Variants in ZNF257 observed in about 807,000 individuals in gnomAD.
ZNF257 encodes the protein zinc finger protein 257.
ZNF257 carries 12 observed loss-of-function variants against 11.9 expected under a neutral mutation model. That is an observed-to-expected ratio of 1.01 (90% CI 0.65 to 1.63). ZNF257 has a LOEUF of 1.63. Ranked by LOEUF, ZNF257 falls within the 40% of genes most tolerant of loss-of-function variation. ZNF257 has a pLI of 0.00. For missense variants in ZNF257, 580 were observed against 665.5 expected (o/e 0.87, Z 1.41); for synonymous variants, 183 against 222.7 (o/e 0.82, Z 1.59).
At chr19:22,056,477 A>ATTTT (rs1470428510) in intron 1 of ZNF257, among the ~76,000 whole-genome samples, 1 of 90,642 alleles carries the variant, frequency 1.1e-5, no homozygotes, top group African/African-American at 5.9e-5. Flanking sequence ...TGAATTTAGA[A>ATTTT]ATTTTTTTTT....
At chr19:22,055,934 A>G (rs1375610379) in intron 1 of ZNF257, among the ~76,000 whole-genome samples, 19 of 151,800 alleles carry the variant, frequency 1.3e-4, no homozygotes, top group Admixed American at 1.2e-3. Flanking sequence ...AGGCGCCTGT[A>G]GTCCCAGCTA....
At chr19:22,085,201 C>T (rs1306641310) in intron 3 of ZNF257, among the ~76,000 whole-genome samples, 1 of 151,784 alleles carries the variant, frequency 6.6e-6, no homozygotes, top group Admixed American at 6.6e-5. Flanking sequence ...CACAGGCATG[C>T]ACCACCACAC....
At position 22,088,152 on chromosome 19, in the gene ZNF257, C is replaced by T; in HGVS notation, c.402C>T (p.Asn134=). The change falls in exon 4 of 4, where the codon AAC becomes AAT. Residue 134 remains asparagine, a synonymous_variant. Coordinates refer to ENST00000594947, the MANE Select transcript of ZNF257 (RefSeq NM_033468.4). Reference sequence around the variant, plus strand: ...GCAAAGGAGGTTATAATGGACTTAACCAATGTCTGATAACTACCCAGAGCA... The same window carrying T: ...GCAAAGGAGGTTATAATGGACTTAATCAATGTCTGATAACTACCCAGAGCA... The part of the protein sequence containing the change: ...KVCKGGYNGL[N]QCLITTQSKM... 1 of 1,609,126 alleles carries T rather than the reference C, an allele frequency of 6.2e-7. No homozygotes were observed. Among genetic ancestry groups the T allele is most frequent in the Non-Finnish European group, 8.5e-7 (1 of 1,177,344 alleles).
At position 22,053,366 on chromosome 19, in the gene ZNF257, CAAAAAAAAAAA is replaced by C. The variant is rs61426953; in HGVS notation, c.3+749_3+759del. ...CTGAAGACAGAGCGAGACTCCGTCT[CAAAAAAAAAAA>C]AAAAAAAAAAAAAAAAATTGTAAAG... On this transcript the variant is annotated intron_variant, in intron 1 of 3. Coordinates refer to ENST00000594947, the MANE Select transcript of ZNF257 (RefSeq NM_033468.4). 1.1e-3 allele frequency among the ~76,000 whole-genome samples: 86 copies of C among 76,482 alleles called. 1 individual carries two copies. The highest frequency in any genetic ancestry group is 4.4e-4 in the Non-Finnish European group (17 of 38,434). 50.2% of individuals were successfully genotyped at this position (76,482 alleles called of 152,430 possible). A position where few individuals can be genotyped will look rare whatever the true frequency, so the allele number is the denominator to read the frequency against.
intron 3 of ZNF257, among the ~76,000 whole-genome samples, chr19:22,083,410 G>C (rs535035190): frequency 2.6e-5 from 4 of 152,128 alleles, no homozygotes; most frequent in Admixed American, 6.5e-5. Flanking sequence ...GGTGGAGATT[G>C]CAGTGAGCCA....
chr19:22,057,737 A>G (rs765077782), intron 1 of ZNF257, among the ~76,000 whole-genome samples: 20 of 152,130 alleles, frequency 1.3e-4, no homozygotes, highest in Non-Finnish European at 2.9e-5. Context: ...TGTGAGGGAA[A>G]TGGGAAATTG....
In ZNF257 at chr19:22,089,083, T is replaced by G. The variant is rs879177067; in HGVS notation, c.1333T>G (p.Tyr445Asp). Residue 445 changes from tyrosine (Y) to aspartate (D), a missense_variant, in exon 4 of 4, where the codon TAC becomes GAC. Transcript: ENST00000594947. The stretch of plus-strand genomic sequence containing the variant: ...TGGCAAAGCCTTTAACCGGTCTTCA[T>G]ACCTTATTCGACATAAGATAATTCA... ...ECGKAFNRSS[Y>D]LIRHKIIHTG... is the part of the protein sequence containing the mutation. 6.2e-7 allele frequency: 1 copy of G among 1,607,330 alleles called. No homozygotes were observed. Among genetic ancestry groups the G allele is most frequent in the Non-Finnish European group, 8.5e-7 (1 of 1,177,732 alleles).
At position 22,089,670 on chromosome 19, in the gene ZNF257, A is replaced by G. The variant is rs2022584062; in HGVS notation, c.*228A>G. ...AGCCTCTTCCCAGTTCTCAACTCTT[A>G]CTAAACATGAGAACACATGTGGAAG... On this transcript the variant is annotated 3_prime_UTR_variant, in exon 4 of 4. Transcript: ENST00000594947. The G allele has an allele frequency of 9.0e-7, 1 of 1,108,094 alleles. No individual in the cohort carries two copies. The highest frequency in any genetic ancestry group is 1.2e-6 in the Non-Finnish European group (1 of 820,282). 68.6% of individuals were successfully genotyped at this position (1,108,094 alleles called of 1,614,324 possible).
Position 22,088,097 on chromosome 19 carries a change from G to A in ZNF257, c.347G>A (p.Gly116Asp), listed in dbSNP as rs751772682. The change falls in exon 4 of 4, where the codon GGC becomes GAC. Residue 116 changes from glycine to aspartate, a missense_variant. By Grantham distance (94) the Gly-to-Asp change is moderately conservative. Coordinates refer to ENST00000594947, the MANE Select transcript of ZNF257 (RefSeq NM_033468.4). ...CEHENLQLRKGCKSVDECKVC... is the reference protein window; with the variant it reads ...CEHENLQLRKDCKSVDECKVC... ...CATGAGAATTTACAATTAAGAAAGG[G>A]CTGTAAAAGTGTGGATGAGTGTAAG... The A allele has an allele frequency of 6.5e-7, 1 of 1,531,124 alleles. No individual in the cohort carries two copies. Among genetic ancestry groups the A allele is most frequent in the Admixed American group, 1.9e-5 (1 of 52,222 alleles). 94.8% of individuals were successfully genotyped at this position (1,531,124 alleles called of 1,614,324 possible). A position where few individuals can be genotyped will look rare whatever the true frequency, so the allele number is the denominator to read the frequency against.
intron 1 of ZNF257, among the ~76,000 whole-genome samples, chr19:22,070,709 T>C (rs2022083295): frequency 6.6e-6 from 1 of 152,148 alleles, no homozygotes; most frequent in African/African-American, 2.4e-5. Flanking sequence ...TATAAGGGAC[T>C]CTGTGCTGTG....
At chr19:22,069,784 A>G (rs1038723726) in intron 1 of ZNF257, among the ~76,000 whole-genome samples, 5 of 152,054 alleles carry the variant, frequency 3.3e-5, no homozygotes, top group African/African-American at 1.2e-4. Context: ...ATTTGTTTAA[A>G]TGGATTATTA....
intron 3 of ZNF257, chr19:22,075,304 A>G: frequency 6.5e-6 from 1 of 152,890 alleles, no homozygotes; most frequent in Non-Finnish European, 1.5e-5. Flanking sequence ...ATCGGGATGT[A>G]AATGAGTATG....
At chr19:22,067,236 C>A (rs960239731) in intron 1 of ZNF257, among the ~76,000 whole-genome samples, 1 of 152,148 alleles carries the variant, frequency 6.6e-6, no homozygotes, top group Non-Finnish European at 1.5e-5. Context: ...AACATTTTAC[C>A]TCTTTCGTTG....
chr19:22,076,629 G>T (rs1454790389), intron 3 of ZNF257, among the ~76,000 whole-genome samples: 1 of 151,830 alleles, frequency 6.6e-6, no homozygotes, highest in Non-Finnish European at 1.5e-5. Flanking sequence ...CACATTATAT[G>T]AGTAAACATT....
chr19:22,063,125 A>C (rs1295250462), intron 1 of ZNF257, among the ~76,000 whole-genome samples: 1 of 152,094 alleles, frequency 6.6e-6, no homozygotes, highest in Non-Finnish European at 1.5e-5. Context: ...GACTTTATTT[A>C]TTACTATTAG....
intron 1 of ZNF257, among the ~76,000 whole-genome samples, chr19:22,054,629 T>C (rs1472468942): frequency 1.3e-5 from 2 of 152,234 alleles, no homozygotes; most frequent in Non-Finnish European, 2.9e-5. Flanking sequence ...AAGATTTGTT[T>C]TCTGTTTGTA....
Position 22,089,422 on chromosome 19 carries a change from C to T in ZNF257, c.1672C>T (p.Leu558Phe), listed in dbSNP as rs1437965712. ...CGKACNHSSN[L>F]TKHNS is the part of the protein sequence containing the mutation. ...CAAAGCTTGTAACCATTCCTCAAAC[C>T]TTACTAAACATAATTCATAATGGAG... Residue 558 changes from leucine (L) to phenylalanine (F), a missense_variant, in exon 4 of 4, where the codon CTT (leucine) becomes TTT (phenylalanine). Transcript: ENST00000594947. The T allele has an allele frequency of 2.5e-6, 4 of 1,608,698 alleles. No individual in the cohort carries two copies. The South Asian group carries it at 4.4e-5, about 18-fold the overall frequency.
At chr19:22,059,325 G>A (rs1008597492) in intron 1 of ZNF257, among the ~76,000 whole-genome samples, 2 of 152,094 alleles carry the variant, frequency 1.3e-5, no homozygotes, top group Non-Finnish European at 2.9e-5. Context: ...CTTGCCCTCA[G>A]TATCTATTGT....
At position 22,089,202 on chromosome 19, in the gene ZNF257, G is replaced by A. The variant is rs2022566171; in HGVS notation, c.1452G>A (p.Glu484=). Residue 484 remains glutamate, a synonymous_variant, in exon 4 of 4, where the codon GAG becomes GAA. Coordinates refer to ENST00000594947, the MANE Select transcript of ZNF257 (RefSeq NM_033468.4). Reference sequence around the variant, plus strand: ...AACATAAAATAATTCATACTGGGGAGAAGCCCTACAAATGTGAAGAATGTG... The same window carrying A: ...AACATAAAATAATTCATACTGGGGAAAAGCCCTACAAATGTGAAGAATGTG... ...LTQHKIIHTG[E]KPYKCEECGK... is the part of the protein sequence containing the mutation. The A allele has an allele frequency of 6.2e-7, 1 of 1,613,570 alleles. No homozygotes were observed. Among genetic ancestry groups the A allele is most frequent in the South Asian group, 1.1e-5 (1 of 91,050 alleles).
Sources: gnomAD v4.1 joint callset for allele counts (sites outside exome capture counted in the v4.1 genomes callset) on GRCh38, gnomAD v4.1.1 for gene constraint, MANE v1.5 for transcripts, NCBI Gene and HGNC (gene_info 2026-07-23, HGNC 2026-07-21) for gene names.